Variants in ACLY observed in about 807,000 individuals in gnomAD.
ACLY encodes ATP citrate lyase, also known as ATP-citrate synthase.
ACLY carries 41 observed loss-of-function variants against 133.0 expected under a neutral mutation model. The observed-to-expected ratio is 0.31, with a 90% confidence interval of 0.24 to 0.40. The LOEUF is 0.40. Ranked by LOEUF, ACLY falls within the 10% of genes least tolerant of loss-of-function variation. The pLI, the probability that ACLY is intolerant of heterozygous loss-of-function variation, is 1.00. For synonymous variants in ACLY, 495 were observed against 549.3 expected (o/e 0.90, Z 1.38); for missense variants, 1,046 against 1,453.8 (o/e 0.72, Z 4.56).
At chr17:41,912,278 TG>T in intron 3 of ACLY, 141 bp downstream of exon 3, 1 of 1,057,614 alleles carries the variant, frequency 9.5e-7, no homozygotes, top group Non-Finnish European at 1.3e-6. Flanking sequence ...GCCACCTGAG[TG>T]GGTCAGCGCC....
intron 10 of ACLY, 126 bp from the exon 11 acceptor site, chr17:41,901,939 C>T: frequency 2.8e-6 from 2 of 726,250 alleles, no homozygotes; most frequent in South Asian, 3.8e-5. Flanking sequence ...CAGGACTACG[C>T]ATAAGCAGCC....
chr17:41,888,949 T>C (rs2049127889), intron 16 of ACLY, among the ~76,000 whole-genome samples: 2 of 151,828 alleles, frequency 1.3e-5, no homozygotes, highest in African/African-American at 2.4e-5. Context: ...AGAAAACCCA[T>C]CTCTCCTAAA....
In ACLY at chr17:41,883,177, G is replaced by C. The variant is rs1194375895; in HGVS notation, c.2210C>G (p.Thr737Ser). Residue 737 changes from threonine (T) to serine (S), a missense_variant, in exon 20 of 29, where the codon ACT becomes AGT. Coordinates refer to ENST00000352035, the MANE Select transcript of ACLY (RefSeq NM_001096.3). ...ICRGIKEGRL[T>S]KPIVCWCIGT... ...GATGCACCAGCAGACGATGGGCTTAGTGAGGCGGCCCTCCTTGATGCCCCG... is the reference window on the plus strand; with the variant it reads ...GATGCACCAGCAGACGATGGGCTTACTGAGGCGGCCCTCCTTGATGCCCCG... 1 of 1,613,954 alleles carries C rather than the reference G, an allele frequency of 6.2e-7. No individual in the cohort carries two copies. Among genetic ancestry groups the C allele is most frequent in the Admixed American group, 1.7e-5 (1 of 60,002 alleles).
intron 10 of ACLY, among the ~76,000 whole-genome samples, chr17:41,902,148 T>C (rs1426559868): frequency 6.6e-6 from 1 of 152,224 alleles, no homozygotes; most frequent in Non-Finnish European, 1.5e-5. Flanking sequence ...TTGGGCTCTA[T>C]GCAAGGGTTC....
In ACLY at chr17:41,907,490, C is replaced by A; in HGVS notation, c.699G>T (p.Trp233Cys). 6.2e-7 allele frequency: 1 copy of A among 1,614,048 alleles called. No individual in the cohort carries two copies. The highest frequency in any genetic ancestry group is 8.5e-7 in the Non-Finnish European group (1 of 1,180,004). ...AGGGGGGAGGGAACTCGATGTCACCCCACTTCACTTTGCAGATGTAGTCGG... is the reference window on the plus strand; with the variant it reads ...AGGGGGGAGGGAACTCGATGTCACCACACTTCACTTTGCAGATGTAGTCGG... ...ATADYICKVK[W>C]GDIEFPPPFG... is the part of the protein sequence containing the mutation. Residue 233 changes from tryptophan (W) to cysteine (C), a missense_variant, in exon 7 of 29, where the codon TGG (tryptophan) becomes TGT (cysteine). Coordinates refer to ENST00000352035, the MANE Select transcript of ACLY (RefSeq NM_001096.3).
At chr17:41,919,209 G>T (rs1182219919), upstream of ACLY, among the ~76,000 whole-genome samples, 1 of 152,162 alleles carries the variant, frequency 6.6e-6, no homozygotes, top group Non-Finnish European at 1.5e-5. Flanking sequence ...CCCCGGGTGG[G>T]GAGATGGGCC....
intron 16 of ACLY, 59 bp downstream of exon 16, chr17:41,892,220 A>G: frequency 7.8e-7 from 1 of 1,290,212 alleles, no homozygotes; most frequent in Admixed American, 2.1e-5. Flanking sequence ...GAGCCCAGTG[A>G]TCTACCTGCG....
At chr17:41,922,466 AAAAG>A (rs781915570), upstream of ACLY, among the ~76,000 whole-genome samples, 2 of 152,052 alleles carry the variant, frequency 1.3e-5, no homozygotes, top group Non-Finnish European at 1.5e-5. Context: ...GAGAAAAAAA[AAAAG>A]AAAGACAAAT....
intron 1 of ACLY, among the ~76,000 whole-genome samples, chr17:41,915,281 C>T (rs1024426011): frequency 1.3e-5 from 2 of 152,060 alleles, no homozygotes; most frequent in African/African-American, 2.4e-5. Context: ...AGAGCTTGGC[C>T]GGATCAGGAA....
intron 20 of ACLY, among the ~76,000 whole-genome samples, chr17:41,882,313 G>A (rs1434146503): frequency 2.5e-5 from 3 of 119,186 alleles, no homozygotes; most frequent in African/African-American, 9.6e-5. Context: ...GTTGCAGTGA[G>A]CCGAGATCAC....
intron 3 of ACLY, 24 bp downstream of exon 3, chr17:41,912,396 C>A (rs1555633781): frequency 1.2e-6 from 2 of 1,611,946 alleles, no homozygotes; most frequent in East Asian, 2.2e-5. Flanking sequence ...CACACACGTT[C>A]ATCCTGACCC....
intron 17 of ACLY, among the ~76,000 whole-genome samples, chr17:41,887,127 GAAAAAAAAAAAAAAAAAA>G (rs535668437): frequency 1.8e-5 from 2 of 110,410 alleles, no homozygotes; most frequent in African/African-American, 8.0e-5. Flanking sequence ...CCGTCTCAAA[GAAAAAAAAAAAAAAAAAA>G]AAAAAAAAAA....
At chr17:41,919,042 T>C (rs963725555), upstream of ACLY, 5 of 1,283,630 alleles carry the variant, frequency 3.9e-6, no homozygotes, top group Non-Finnish European at 5.1e-6. Context: ...GGCCCCGCGA[T>C]TGGCCACACG....
At chr17:41,906,671 G>A (rs781922928) in intron 7 of ACLY, 25 bp from the exon 8 acceptor site, 1 of 1,594,126 alleles carries the variant, frequency 6.3e-7, no homozygotes, top group Non-Finnish European at 8.6e-7. Context: ...GCAACAGGTA[G>A]GCCCTTGGGG....
intron 21 of ACLY, among the ~76,000 whole-genome samples, chr17:41,878,554 C>T (rs1448899088): frequency 6.6e-6 from 1 of 152,142 alleles, no homozygotes; most frequent in African/African-American, 2.4e-5. Flanking sequence ...TGCCACCTCC[C>T]AGCCAAATAG....
intron 16 of ACLY, 126 bp downstream of exon 16, chr17:41,892,153 A>G: frequency 1.1e-6 from 1 of 909,360 alleles, no homozygotes; most frequent in Non-Finnish European, 1.6e-6. Flanking sequence ...TGTCCCAGGC[A>G]GCAGTGACGG....
In ACLY at chr17:41,878,763, G is replaced by A. The variant is rs374828926; in HGVS notation, c.2393+34C>T. ...GTCTCAGGAGGGATTTGGAAAGGAG[G>A]GGGAGGCCGGCATCCTCCCCAAGGT... On this transcript the variant is annotated intron_variant, in intron 21 of 28. Coordinates refer to ENST00000352035, the MANE Select transcript of ACLY (RefSeq NM_001096.3). 31 of 1,612,218 alleles carry A rather than the reference G, an allele frequency of 1.9e-5. No individual in the cohort carries two copies. The African/African-American group carries it at 2.9e-4, about 15-fold the overall frequency.
intron 25 of ACLY, among the ~76,000 whole-genome samples, chr17:41,871,256 A>C (rs2048589319): frequency 6.6e-6 from 1 of 152,196 alleles, no homozygotes; most frequent in Non-Finnish European, 1.5e-5. Flanking sequence ...CTGTCAACAC[A>C]TCCAAAGCTT....
At position 41,906,952 on chromosome 17, in the gene ACLY, A is replaced by G. The variant is rs370143811; in HGVS notation, c.748-306T>C. On this transcript the variant is annotated intron_variant, in intron 7 of 28. Coordinates refer to ENST00000352035, the MANE Select transcript of ACLY (RefSeq NM_001096.3). The stretch of plus-strand genomic sequence containing the variant: ...TGTCCCTCTGCTCAACCATGCCCTC[A>G]CCCCAGCATCTGCCTGCTCGGCCCA... 2.0e-5 allele frequency among the ~76,000 whole-genome samples: 3 copies of G among 151,514 alleles called. No individual in the cohort carries two copies. The East Asian group carries it at 5.9e-4, about 30-fold the overall frequency.
Sources: gnomAD v4.1 joint callset for allele counts (sites outside exome capture counted in the v4.1 genomes callset) on GRCh38, gnomAD v4.1.1 for gene constraint, MANE v1.5 for transcripts, NCBI Gene and HGNC (gene_info 2026-07-23, HGNC 2026-07-21) for gene names.